Variants in DNAH10 observed in about 807,000 individuals in gnomAD.
DNAH10 encodes axonemal beta dynein heavy chain 10.
DNAH10 carries 348 observed loss-of-function variants against 506.6 expected under a neutral mutation model. The ratio of observed to expected loss-of-function variants is 0.69; its 90% CI spans 0.63 to 0.75. The LOEUF (loss-of-function observed/expected upper bound fraction) is 0.75, where lower values mean the gene tolerates loss of function less well. Ranked by LOEUF, DNAH10 falls within the 30% of genes least tolerant of loss-of-function variation. The probability of loss-of-function intolerance (pLI) is 0.00; values close to 1 mark genes in which losing one functional copy is unlikely to be tolerated. For missense variants in DNAH10, 5,179 were observed against 5,787.1 expected, an observed-to-expected ratio of 0.89 and a Z score of 3.41; for synonymous variants, 2,059 against 2,198.6, an observed-to-expected ratio of 0.94 and a Z score of 1.78.
At chr12:123,825,425 C>T (rs1257238981) in intron 24 of DNAH10, among the ~76,000 whole-genome samples, 8 of 152,166 alleles carry the variant, frequency 5.3e-5, no homozygotes, top group Admixed American at 5.2e-4. Flanking sequence ...TGTGGCTCAT[C>T]CACACCACGG....
In DNAH10 at chr12:123,929,422, AGAAG is replaced by A. The variant is rs766462464; in HGVS notation, c.12459_12462del (p.Arg4153SerfsTer25). 2 of 1,613,692 alleles carry A rather than the reference AGAAG, an allele frequency of 1.2e-6. No individual in the cohort carries two copies. Among genetic ancestry groups the A allele is most frequent in the Non-Finnish European group, 1.7e-6 (2 of 1,179,812 alleles). On this transcript the variant is annotated frameshift_variant, in exon 71 of 79. Coordinates refer to ENST00000673944, the MANE Select transcript of DNAH10 (RefSeq NM_001372106.1). LOFTEE classifies it high-confidence loss of function. ...GTTCTTTCATGCTGTGGTGCAGGAG[AGAAG>A]GAAGTTTGGGAAGATTGGCTGGAAC...
intron 45 of DNAH10, among the ~76,000 whole-genome samples, chr12:123,872,656 C>T (rs973237214): frequency 3.3e-5 from 5 of 152,014 alleles, no homozygotes; most frequent in Admixed American, 6.5e-5. Flanking sequence ...AAAAAAATAC[C>T]CTAGACCACC....
intron 58 of DNAH10, among the ~76,000 whole-genome samples, chr12:123,910,147 G>A (rs1953998020): frequency 6.6e-6 from 1 of 152,226 alleles, no homozygotes; most frequent in Admixed American, 6.5e-5. Context: ...CACTCCCTCT[G>A]TCTGAATCTT....
intron 52 of DNAH10, among the ~76,000 whole-genome samples, chr12:123,892,004 G>A (rs558001466): frequency 2.0e-5 from 3 of 152,334 alleles, no homozygotes; most frequent in Admixed American, 6.5e-5. Context: ...TCAGTGCTCC[G>A]GGATTTCCTT....
chr12:123,865,414 T>A (rs1049101786), intron 40 of DNAH10, among the ~76,000 whole-genome samples: 6 of 152,194 alleles, frequency 3.9e-5, no homozygotes, highest in African/African-American at 1.2e-4. Flanking sequence ...TAGCTTAGTA[T>A]TAATGCCATT....
At chr12:123,849,699 C>T (rs187768300) in intron 34 of DNAH10, among the ~76,000 whole-genome samples, 1 of 152,324 alleles carries the variant, frequency 6.6e-6, no homozygotes, top group Non-Finnish European at 1.5e-5. Context: ...TCCCTTCTTC[C>T]CTTCACTGGA....
chr12:123,785,939 A>G lies in DNAH10; in HGVS notation c.1421+3A>G. 1 of 1,605,910 alleles carries G rather than the reference A, an allele frequency of 6.2e-7. No homozygotes were observed. The highest frequency in any genetic ancestry group is 8.5e-7 in the Non-Finnish European group (1 of 1,173,368). On this transcript the variant is annotated splice_donor_region_variant and intron_variant, in intron 9 of 78. Coordinates refer to ENST00000673944, the MANE Select transcript of DNAH10 (RefSeq NM_001372106.1). This position sits in a 1 kb window ranked among gnomAD's most constrained non-coding sequence, Gnocchi z 4.1. ...GTCAACCTGCGGACTTTGTTCAAGT[A>G]AGAAGCCATGGCGTTCATTTTTTTG...
chr12:123,910,803 A>T (rs1378069360), intron 59 of DNAH10, 131 bp downstream of exon 59: 2 of 1,208,580 alleles, frequency 1.7e-6, no homozygotes, highest in African/African-American at 1.5e-5. Flanking sequence ...CTTTCCCTCC[A>T]CCACCCAATA....
At chr12:123,783,590 G>T (rs1204139924) in intron 7 of DNAH10, among the ~76,000 whole-genome samples, 109 of 152,200 alleles carry the variant, frequency 7.2e-4, no homozygotes, top group Non-Finnish European at 3.1e-4. Flanking sequence ...CAGAGGCAGG[G>T]TTGGCTTCAG....
At chr12:123,883,491 C>T (rs1203062019) in intron 51 of DNAH10, among the ~76,000 whole-genome samples, 7 of 152,146 alleles carry the variant, frequency 4.6e-5, no homozygotes, top group South Asian at 2.1e-4. Flanking sequence ...CTTTTCTCCC[C>T]GACTCTTCAT....
At chr12:123,847,217 A>AT (rs1262558824) in intron 32 of DNAH10, among the ~76,000 whole-genome samples, 131 of 121,638 alleles carry the variant, frequency 1.1e-3, no homozygotes, top group Non-Finnish European at 1.8e-3. Context: ...CATCCATCCT[A>AT]TTATCTATCT....
At chr12:123,927,925 A>G (rs747997706) in intron 69 of DNAH10, 1 of 170,804 alleles carries the variant, frequency 5.9e-6, no homozygotes, top group Non-Finnish European at 1.2e-5. Context: ...GCAAGGCTTG[A>G]TTTGGGTGTT....
rs1387399038 is a variant in DNAH10, at chr12:123,838,586, C to A, written c.5033C>A (p.Ser1678Ter). The change falls in exon 29 of 79, where the codon TCG becomes TAG. Residue 1678 changes from serine to a stop codon, truncating the protein, a stop_gained. Transcript: ENST00000673944. LOFTEE classifies it high-confidence loss of function. Reference protein sequence around the residue: ...CQKSLNDYLDSKRNAFPRFFF... With the variant: ...CQKSLNDYLD ...AAAAGCCTCAACGACTACTTAGATT[C>A]GAAGAGAAATGCTTTCCCAAGGTTC... is the stretch of plus-strand genomic sequence containing the variant. 3 of 1,613,998 alleles carry A rather than the reference C, an allele frequency of 1.9e-6. No homozygotes were observed. The highest frequency in any genetic ancestry group is 8.5e-7 in the Non-Finnish European group (1 of 1,179,906).
At chr12:123,807,199 C>G (rs1958714110) in intron 18 of DNAH10, among the ~76,000 whole-genome samples, 1 of 148,434 alleles carries the variant, frequency 6.7e-6, no homozygotes, top group Non-Finnish European at 1.5e-5. Context: ...ATCCATCCAT[C>G]CATCCATCCA....
In DNAH10 at chr12:123,796,748, A is replaced by T. The variant is rs762233474; in HGVS notation, c.2079A>T (p.Glu693Asp). ...HPPVAGAIYW[E>D]RSLFFRIKHT... ...CAGTAGCAGGTGCAATATACTGGGA[A>T]CGATCTCTGTTCTTTCGGATTAAGC... The change falls in exon 13 of 79, where the codon GAA becomes GAT. Residue 693 changes from glutamate (E) to aspartate (D), a missense_variant. This residue lies in a region of DNAH10 where 4,844 missense variants were observed against 5,430.5 expected (regional missense o/e 0.89). Coordinates refer to ENST00000673944, the MANE Select transcript of DNAH10 (RefSeq NM_001372106.1). 8 of 1,614,122 alleles carry T rather than the reference A, an allele frequency of 5.0e-6. No homozygotes were observed. Among genetic ancestry groups the T allele is most frequent in the Non-Finnish European group, 6.8e-6 (8 of 1,179,982 alleles).
At chr12:123,825,175 G>A (rs983476169) in intron 24 of DNAH10, among the ~76,000 whole-genome samples, 6 of 152,070 alleles carry the variant, frequency 3.9e-5, no homozygotes, top group Admixed American at 6.6e-5. Context: ...GTGAGAAGAG[G>A]ATGGAAGATT....
At chr12:123,893,497 G>T in intron 53 of DNAH10, 61 bp downstream of exon 53, 1 of 1,586,806 alleles carries the variant, frequency 6.3e-7, no homozygotes, top group Non-Finnish European at 8.6e-7. Flanking sequence ...GTGGCTGAGG[G>T]TCTGTCCACA....
chr12:123,892,995 G>A (rs12309961), intron 52 of DNAH10, among the ~76,000 whole-genome samples: 4,035 of 152,312 alleles, frequency 0.026, 194 homozygotes, highest in African/African-American at 0.091. Flanking sequence ...TGATGCTCAC[G>A]GTCATCCTCC....
chr12:123,824,293 A>C (rs1272047485), intron 24 of DNAH10, among the ~76,000 whole-genome samples: 4 of 152,136 alleles, frequency 2.6e-5, no homozygotes, highest in Non-Finnish European at 5.9e-5. Flanking sequence ...GACTCCAGGA[A>C]AAGAAGGTTT....
Sources: allele counts gnomAD v4.1 joint callset (sites outside exome capture counted in the v4.1 genomes callset), GRCh38; gene constraint gnomAD v4.1.1; regional missense constraint gnomAD v4.1.1; non-coding constraint Gnocchi (gnomAD v3.1); transcripts MANE v1.5; gene names NCBI Gene and HGNC (gene_info 2026-07-23, HGNC 2026-07-21).